The following TRAPPC9 variants were observed in gnomAD, a reference collection of about 807,000 sequenced individuals.
The protein encoded by TRAPPC9 is IKK2 binding protein.
TRAPPC9 carries 83 observed loss-of-function variants against 124.0 expected under a neutral mutation model. The observed-to-expected ratio is 0.67, with a 90% CI of 0.56 to 0.80. The LOEUF is 0.80. Ranked by LOEUF, TRAPPC9 falls within the 30% of genes least tolerant of loss-of-function variation. TRAPPC9 has a pLI of 0.00. For synonymous variants in TRAPPC9, 638 were observed against 617.5 expected (o/e 1.03, Z -0.49); for missense variants, 1,302 against 1,508.3 (o/e 0.86, Z 2.27).
chr8:140,001,481 T>C (rs1333170650), intron 18 of TRAPPC9, among the ~76,000 whole-genome samples: 3 of 151,906 alleles, frequency 2.0e-5, no homozygotes, highest in Non-Finnish European at 4.4e-5. Context: ...TGAATTAAAA[T>C]GAAAGCAGAC....
chr8:139,903,687 G>A lies in TRAPPC9; in HGVS notation c.2964+6460C>T, dbSNP rs150348621. Among the ~76,000 whole-genome samples the A allele has an allele frequency of 6.0e-3, 919 of 152,296 alleles. 12 individuals carry two copies. The highest frequency in any genetic ancestry group is 0.021 in the African/African-American group (884 of 41,564). On this transcript the variant is annotated intron_variant, in intron 20 of 22. Transcript: ENST00000438773. ...CACTCATCACGGCACTCGGCATCGC[G>A]CAGCTGAGCTGGTAGCCATTCTGTT...
intron 17 of TRAPPC9, among the ~76,000 whole-genome samples, chr8:140,209,098 C>T (rs533826633): frequency 3.4e-4 from 52 of 152,312 alleles, no homozygotes; most frequent in Admixed American, 3.9e-4. Context: ...CTGACATAGG[C>T]CCTGAAGGGG....
rs747247140 is a variant in TRAPPC9 at position 140,023,995 on chromosome 8, G to A, written c.2641C>T (p.His881Tyr). ...GYYRNLSLGL[H>Y]VEVEPSVFFT... ...AATACAGACGGCTCGACTTCTACATGCAGCCCCAGGGAGAGATTCCTGTAA... is the reference window on the plus strand; with the variant it reads ...AATACAGACGGCTCGACTTCTACATACAGCCCCAGGGAGAGATTCCTGTAA... Residue 881 changes from histidine (H) to tyrosine (Y), a missense_variant, in exon 18 of 23, where the codon CAT becomes TAT. By Grantham distance (83) the His-to-Tyr change is moderately conservative (BLOSUM62 2). Around this residue, in one of 3 missense-constraint regions of TRAPPC9, gnomAD observed 640 missense variants for 679.3 expected, o/e 0.94. Coordinates refer to ENST00000438773, the MANE Select transcript of TRAPPC9 (RefSeq NM_001160372.4). The A allele has an allele frequency of 6.2e-7, 1 of 1,614,124 alleles. No individual in the cohort carries two copies. Among genetic ancestry groups the A allele is most frequent in the South Asian group, 1.1e-5 (1 of 91,076 alleles).
chr8:140,371,323 C>T (rs1047043683), intron 7 of TRAPPC9, 143 bp from the exon 8 acceptor site: 2 of 945,342 alleles, frequency 2.1e-6, no homozygotes, highest in Non-Finnish European at 1.6e-6. Context: ...TGGTGAGCAG[C>T]GCATGGCGCA....
At chr8:140,150,765 C>T (rs961168415) in intron 17 of TRAPPC9, among the ~76,000 whole-genome samples, 2 of 152,132 alleles carry the variant, frequency 1.3e-5, no homozygotes, top group South Asian at 2.1e-4. Flanking sequence ...TTCAAGGGTC[C>T]GGGGACCCAG....
At chr8:140,200,267 C>T (rs1242149691) in intron 17 of TRAPPC9, among the ~76,000 whole-genome samples, 1 of 152,100 alleles carries the variant, frequency 6.6e-6, no homozygotes, top group African/African-American at 2.4e-5. Flanking sequence ...ATCCACTGAA[C>T]GGGCCTAGAA....
intron 21 of TRAPPC9, among the ~76,000 whole-genome samples, chr8:139,756,550 T>G (rs1251316263): frequency 2.6e-4 from 29 of 112,580 alleles, no homozygotes; most frequent in African/African-American, 3.6e-4. Context: ...AGCCAGGGTT[T>G]GGGGATGAGG....
At chr8:140,091,305 C>T (rs553052270) in intron 17 of TRAPPC9, among the ~76,000 whole-genome samples, 63 of 152,290 alleles carry the variant, frequency 4.1e-4, no homozygotes, top group South Asian at 8.3e-4. Flanking sequence ...CTTCATAACC[C>T]TAGGGCCTAA....
At chr8:139,739,895 G>T (rs999706902) in intron 21 of TRAPPC9, among the ~76,000 whole-genome samples, 2 of 152,232 alleles carry the variant, frequency 1.3e-5, no homozygotes, top group Admixed American at 1.3e-4. Context: ...TTTCATATCT[G>T]CTGGACACAT....
intron 19 of TRAPPC9, among the ~76,000 whole-genome samples, chr8:139,949,859 T>C (rs544827979): frequency 6.6e-6 from 1 of 152,282 alleles, no homozygotes; most frequent in East Asian, 1.9e-4. Context: ...GTATCCTCAA[T>C]ACCAATGAGT....
At chr8:140,033,677 T>TGC (rs1473241600) in intron 17 of TRAPPC9, among the ~76,000 whole-genome samples, 1 of 100,234 alleles carries the variant, frequency 1.0e-5, no homozygotes, top group Admixed American at 9.7e-5. Flanking sequence ...TTTTTTTTTT[T>TGC]TTTTTTTTTT....
intron 17 of TRAPPC9, among the ~76,000 whole-genome samples, chr8:140,085,075 G>T (rs1844097879): frequency 6.6e-6 from 1 of 152,124 alleles, no homozygotes; most frequent in Admixed American, 6.6e-5. Flanking sequence ...TGGAGATGGG[G>T]GTGCAGGGAG....
In TRAPPC9 at chr8:140,241,825, C is replaced by T. The variant is rs1013191631; in HGVS notation, c.2431+10952G>A. Reference sequence around the variant, plus strand: ...AGGGTGTGGAACACTCGGCAGCCTTCGCAGCGTGCCTTCCGTCCCTCACTT... The same window carrying T: ...AGGGTGTGGAACACTCGGCAGCCTTTGCAGCGTGCCTTCCGTCCCTCACTT... On this transcript the variant is annotated intron_variant, in intron 16 of 22. Transcript: ENST00000438773. This position sits in a 1 kb window ranked among gnomAD's most constrained non-coding sequence, Gnocchi z 5.0. Among the ~76,000 whole-genome samples the T allele has an allele frequency of 5.9e-5, 9 of 152,368 alleles. No individual in the cohort carries two copies. Among genetic ancestry groups the T allele is most frequent in the Admixed American group, 1.3e-4 (2 of 15,304 alleles).
At chr8:140,166,692 A>G (rs1018233116) in intron 17 of TRAPPC9, among the ~76,000 whole-genome samples, 1 of 152,226 alleles carries the variant, frequency 6.6e-6, no homozygotes, top group Non-Finnish European at 1.5e-5. Context: ...CACACGCAGC[A>G]AGAAAGCAAG....
At chr8:139,855,227 T>C (rs1267787570) in intron 21 of TRAPPC9, among the ~76,000 whole-genome samples, 1 of 152,140 alleles carries the variant, frequency 6.6e-6, no homozygotes, top group African/African-American at 2.4e-5. Context: ...AAAATAGGTA[T>C]GGGAAGTGAA....
At chr8:140,298,157 T>C (rs1391874627) in intron 11 of TRAPPC9, among the ~76,000 whole-genome samples, 1 of 152,190 alleles carries the variant, frequency 6.6e-6, no homozygotes, top group Non-Finnish European at 1.5e-5. Context: ...AAGAAATGAT[T>C]ACCATTTTTA....
chr8:139,818,887 A>T (rs1229609102), intron 21 of TRAPPC9, among the ~76,000 whole-genome samples: 2 of 152,178 alleles, frequency 1.3e-5, no homozygotes, highest in Non-Finnish European at 2.9e-5. Flanking sequence ...CTTCAGACAC[A>T]ATTTGTCACA....
intron 7 of TRAPPC9, among the ~76,000 whole-genome samples, chr8:140,371,511 T>C (rs966274233): frequency 2.0e-5 from 3 of 152,262 alleles, no homozygotes; most frequent in African/African-American, 7.2e-5. Flanking sequence ...AACAGGATTT[T>C]ATCAAGGTCT....
chr8:140,061,780 T>G (rs750400633), intron 17 of TRAPPC9, among the ~76,000 whole-genome samples: 6 of 152,162 alleles, frequency 3.9e-5, no homozygotes, highest in Non-Finnish European at 8.8e-5. Context: ...AGGGCCCACG[T>G]TGGGAAGGGC....
Sources: allele counts gnomAD v4.1 joint callset (sites outside exome capture counted in the v4.1 genomes callset), GRCh38; gene constraint gnomAD v4.1.1; regional missense constraint gnomAD v4.1.1; non-coding constraint Gnocchi (gnomAD v3.1); transcripts MANE v1.5; gene names NCBI Gene and HGNC (gene_info 2026-07-23, HGNC 2026-07-21).